Variants in LRRIQ1 observed in about 807,000 individuals in gnomAD.
LRRIQ1 encodes leucine rich repeats and IQ motif containing 1.
LRRIQ1 carries 210 observed loss-of-function variants against 211.9 expected under a neutral mutation model. The ratio of observed to expected loss-of-function variants is 0.99; its 90% CI spans 0.89 to 1.11. LRRIQ1 has a LOEUF of 1.11. Among genes scored for constraint, LRRIQ1 ranks in the 50% most tolerant of loss-of-function variants. The pLI, the probability that LRRIQ1 is intolerant of heterozygous loss-of-function variation, is 0.00. For synonymous variants in LRRIQ1, 699 were observed against 650.1 expected, an observed-to-expected ratio of 1.08 and a Z score of -1.14; for missense variants, 2,136 against 1,939.5, an observed-to-expected ratio of 1.10 and a Z score of -1.90.
intron 6 of LRRIQ1, among the ~76,000 whole-genome samples, chr12:85,049,848 T>C (rs1037579278): frequency 1.3e-5 from 2 of 152,208 alleles, no homozygotes; most frequent in African/African-American, 4.8e-5. Context: ...TCTGTAGCAT[T>C]TTATGCCAGC....
chr12:85,178,599 A>G (rs1033254518), intron 24 of LRRIQ1, among the ~76,000 whole-genome samples: 9 of 151,758 alleles, frequency 5.9e-5, no homozygotes, highest in Non-Finnish European at 7.4e-5. Flanking sequence ...TCCTCATTCT[A>G]CTTATCTTCA....
chr12:85,208,620 G>A (rs954231657), intron 24 of LRRIQ1, among the ~76,000 whole-genome samples: 17 of 151,944 alleles, frequency 1.1e-4, no homozygotes, highest in African/African-American at 4.1e-4. Context: ...ATGTAATTAA[G>A]CAACGAGACC....
chr12:85,059,954 T>C (rs1055836262), intron 8 of LRRIQ1, among the ~76,000 whole-genome samples: 1 of 152,054 alleles, frequency 6.6e-6, no homozygotes, highest in Non-Finnish European at 1.5e-5. Context: ...GAAATGAATG[T>C]AAAATTACTG....
chr12:85,261,254 C>T (rs1234915460), intron 1 of LRRIQ1, among the ~76,000 whole-genome samples: 1 of 152,056 alleles, frequency 6.6e-6, no homozygotes, highest in Non-Finnish European at 1.5e-5. Flanking sequence ...TAGTGCTGTT[C>T]TCTTGGTGGA....
At chr12:85,135,691 A>G (rs1470969673) in intron 18 of LRRIQ1, among the ~76,000 whole-genome samples, 1 of 152,038 alleles carries the variant, frequency 6.6e-6, no homozygotes, top group African/African-American at 2.4e-5. Context: ...GATTTTAAAT[A>G]TATGTGTTTG....
chr12:85,041,656 A>G (rs1852148), intron 3 of LRRIQ1, among the ~76,000 whole-genome samples: 94,085 of 151,416 alleles, frequency 0.62, 31,858 homozygotes, highest in African/African-American at 0.91. Flanking sequence ...ATGATATAGG[A>G]CTCTTCCAAA....
chr12:85,108,356 G>T (rs1886931635), intron 15 of LRRIQ1, among the ~76,000 whole-genome samples: 1 of 151,940 alleles, frequency 6.6e-6, no homozygotes, highest in Non-Finnish European at 1.5e-5. Flanking sequence ...TCGAACTCCT[G>T]GGCTCAAGAA....
At chr12:85,131,731 C>T (rs1888778605) in intron 18 of LRRIQ1, among the ~76,000 whole-genome samples, 1 of 151,804 alleles carries the variant, frequency 6.6e-6, no homozygotes, top group Admixed American at 6.6e-5. Context: ...ATATAGTATG[C>T]TACAGGGGGT....
chr12:85,268,388 A>G (rs1184255048), downstream of LRRIQ1, among the ~76,000 whole-genome samples: 1 of 151,836 alleles, frequency 6.6e-6, no homozygotes, highest in Non-Finnish European at 1.5e-5. Context: ...CAACACCAGG[A>G]CTCCTTATGC....
At position 85,124,516 on chromosome 12, in the gene LRRIQ1, A is replaced by C; in HGVS notation, c.4004A>C (p.Lys1335Thr). The change falls in exon 17 of 27, where the codon AAA becomes ACA. Residue 1335 changes from lysine to threonine, a missense_variant. Transcript: ENST00000393217. The stretch of plus-strand genomic sequence containing the variant: ...CACCAAAATATTGAGCCTAGTGAAA[A>C]AATGTAAGATATATAAATAATGTTT... Reference protein sequence around the residue: ...RNHQNIEPSEKIMAAVVIQSY... With the variant: ...RNHQNIEPSETIMAAVVIQSY... The C allele has an allele frequency of 3.1e-6, 5 of 1,601,400 alleles. No homozygotes were observed. The highest frequency in any genetic ancestry group is 4.3e-6 in the Non-Finnish European group (5 of 1,171,818).
At chr12:85,104,218 C>A in intron 14 of LRRIQ1, 141 bp downstream of exon 14, 1 of 418,672 alleles carries the variant, frequency 2.4e-6, no homozygotes, top group Non-Finnish European at 4.1e-6. Context: ...TGAAATAATT[C>A]ACTTGAAATT....
At chr12:85,173,620 T>C (rs1317373271) in intron 24 of LRRIQ1, among the ~76,000 whole-genome samples, 2 of 148,814 alleles carry the variant, frequency 1.3e-5, no homozygotes, top group Admixed American at 1.3e-4. Flanking sequence ...CAATCTCTCA[T>C]ACACACACAC....
At chr12:85,118,248 T>C (rs1337627160) in intron 15 of LRRIQ1, among the ~76,000 whole-genome samples, 1 of 152,146 alleles carries the variant, frequency 6.6e-6, no homozygotes, top group Non-Finnish European at 1.5e-5. Context: ...TCAAAACTAC[T>C]GAACAAGTTC....
chr12:85,124,630 A>G, intron 17 of LRRIQ1, 111 bp downstream of exon 17: 1 of 805,976 alleles, frequency 1.2e-6, no homozygotes, highest in Non-Finnish European at 2.0e-6. Context: ...TCACAATCAT[A>G]TTTCATACCG....
intron 26 of LRRIQ1, among the ~76,000 whole-genome samples, chr12:85,236,830 C>CATATATATCTCTAT (rs1555228691): frequency 9.2e-6 from 1 of 108,810 alleles, no homozygotes; most frequent in African/African-American, 4.5e-5. Context: ...TGTATGTGTG[C>CATATATATCTCTAT]ATATATATAT....
intron 9 of LRRIQ1, 82 bp downstream of exon 9, chr12:85,065,496 T>C: frequency 8.6e-7 from 1 of 1,160,358 alleles, no homozygotes; most frequent in Non-Finnish European, 1.2e-6. Flanking sequence ...ATGACCCTTT[T>C]GAAGAAACAA....
Position 85,098,502 on chromosome 12 carries a change from G to A in LRRIQ1, c.3035G>A (p.Cys1012Tyr). Residue 1012 changes from cysteine (C) to tyrosine (Y), a missense_variant, in exon 12 of 27, where the codon TGT becomes TAT. Coordinates refer to ENST00000393217, the MANE Select transcript of LRRIQ1 (RefSeq NM_001079910.2). ...ACTGATGTAGAGGGCGTTGAAAATT[G>A]TGGATTGCTCCAAATATTGAAGTTA... ...HLTDVEGVEN[C>Y]GLLQILKLQG... is the part of the protein sequence containing the mutation. 2 of 1,611,254 alleles carry A rather than the reference G, an allele frequency of 1.2e-6. No homozygotes were observed. The highest frequency in any genetic ancestry group is 1.7e-6 in the Non-Finnish European group (2 of 1,178,794).
At chr12:85,161,174 G>A (rs1422389154) in intron 24 of LRRIQ1, among the ~76,000 whole-genome samples, 1 of 151,956 alleles carries the variant, frequency 6.6e-6, no homozygotes, top group Non-Finnish European at 1.5e-5. Flanking sequence ...CTCACTGTTG[G>A]AGTGAAGGAT....
intron 24 of LRRIQ1, among the ~76,000 whole-genome samples, chr12:85,193,793 T>C (rs1348072153): frequency 1.3e-5 from 2 of 148,148 alleles, no homozygotes; most frequent in African/African-American, 5.0e-5. Context: ...GCTAACATCA[T>C]AATGACAGGA....
Sources: gnomAD v4.1 joint callset for allele counts (sites outside exome capture counted in the v4.1 genomes callset) on GRCh38, gnomAD v4.1.1 for gene constraint, MANE v1.5 for transcripts, NCBI Gene and HGNC (gene_info 2026-07-23, HGNC 2026-07-21) for gene names.